Variants in GABRB3 observed in about 807,000 individuals in gnomAD.
GABRB3 encodes the protein gamma-aminobutyric acid type A receptor subunit beta3, also known as gamma-aminobutyric acid receptor subunit beta-3.
A neutral mutation model predicts 52.1 loss-of-function variants in GABRB3; 14 were observed. That is an observed-to-expected ratio of 0.27 (90% CI 0.18 to 0.42). The LOEUF is 0.42. Among genes scored for constraint, GABRB3 ranks in the 10% least tolerant of loss-of-function variants. The pLI is 1.00. For synonymous variants in GABRB3, 260 were observed against 232.3 expected, an observed-to-expected ratio of 1.12 and a Z score of -1.08; for missense variants, 307 against 609.1, an observed-to-expected ratio of 0.50 and a Z score of 5.22.
At chr15:26,700,045 C>G (rs944574158) in intron 3 of GABRB3, among the ~76,000 whole-genome samples, 2 of 151,402 alleles carry the variant, frequency 1.3e-5, no homozygotes, top group Admixed American at 1.3e-4. Flanking sequence ...ACTGAAAAAT[C>G]AATGAAACAA....
chr15:26,572,341 A>C (rs893857367), intron 6 of GABRB3, among the ~76,000 whole-genome samples: 1 of 152,178 alleles, frequency 6.6e-6, no homozygotes, highest in South Asian at 2.1e-4. Context: ...CATTGTATGC[A>C]CCTCTGGTGT....
chr15:26,689,982 A>T (rs1008884817), intron 3 of GABRB3, among the ~76,000 whole-genome samples: 1 of 152,032 alleles, frequency 6.6e-6, no homozygotes, highest in African/African-American at 2.4e-5. Context: ...AGGGCTTAGA[A>T]TTTCATTTTT....
chr15:26,632,964 GA>G (rs1311008657), intron 3 of GABRB3, among the ~76,000 whole-genome samples: 1 of 152,136 alleles, frequency 6.6e-6, no homozygotes, highest in Non-Finnish European at 1.5e-5. Flanking sequence ...AATGAAAAAG[GA>G]CCCTCTTTAT....
intron 3 of GABRB3, among the ~76,000 whole-genome samples, chr15:26,656,312 A>G (rs926295112): frequency 1.3e-5 from 2 of 152,190 alleles, no homozygotes. Context: ...AACTCAGTTC[A>G]TCCTTCCTAA....
chr15:26,555,031 T>A (rs530336697), intron 8 of GABRB3, among the ~76,000 whole-genome samples: 3 of 151,772 alleles, frequency 2.0e-5, no homozygotes, highest in African/African-American at 7.2e-5. Context: ...TATATATATA[T>A]AAATTAGCTG....
At chr15:26,730,412 C>T (rs866765170) in intron 3 of GABRB3, among the ~76,000 whole-genome samples, 73 of 98,710 alleles carry the variant, frequency 7.4e-4, no homozygotes, top group Middle Eastern at 7.8e-3. Flanking sequence ...AGCGAGACTC[C>T]GTCTCAAAAA....
chr15:26,771,064 T>C (rs1458561991), intron 3 of GABRB3, among the ~76,000 whole-genome samples: 1 of 152,166 alleles, frequency 6.6e-6, no homozygotes, highest in Non-Finnish European at 1.5e-5. Flanking sequence ...AGCTTTAGAT[T>C]AACAGTGAAA....
In GABRB3 at chr15:26,543,840, G is replaced by C. The variant is rs1319725225; in HGVS notation, c.*3953C>G. ...GACAAACGTGACAAAACATGTTCAT[G>C]GGGTTGGTCCTAGGGAGAGGCATAC... On this transcript the variant is annotated 3_prime_UTR_variant, in exon 9 of 9. Transcript: ENST00000311550. The C allele has an allele frequency of 6.6e-6, 1 of 152,552 alleles. No homozygotes were observed. Among genetic ancestry groups the C allele is most frequent in the Non-Finnish European group, 1.5e-5 (1 of 68,024 alleles). The allele number at this position is 152,552 out of a possible 1,614,324, so 9.4% of individuals were successfully genotyped here.
chr15:26,701,321 T>G (rs1888930332), intron 3 of GABRB3, among the ~76,000 whole-genome samples: 1 of 152,186 alleles, frequency 6.6e-6, no homozygotes, highest in African/African-American at 2.4e-5. Flanking sequence ...AACACTGTCT[T>G]TATTCACAGA....
rs905119265 is a variant in GABRB3 at position 26,743,691 on chromosome 15, T to C, written c.240+28711A>G. On this transcript the variant is annotated intron_variant, in intron 3 of 8. Coordinates refer to ENST00000311550, the MANE Select transcript of GABRB3 (RefSeq NM_000814.6). The stretch of plus-strand genomic sequence containing the variant: ...GCAAAATGTAATCCGACAGCCTTAA[T>C]AGGAAAAGGCCATTTTCTGTCATTA... Among the ~76,000 whole-genome samples, 4 of 152,150 alleles carry C rather than the reference T, an allele frequency of 2.6e-5. No individual in the cohort carries two copies. The East Asian group carries it at 5.8e-4, about 22-fold the overall frequency.
chr15:26,756,010 T>C (rs1890649044), intron 3 of GABRB3, among the ~76,000 whole-genome samples: 2 of 151,998 alleles, frequency 1.3e-5, no homozygotes, highest in African/African-American at 2.4e-5. Flanking sequence ...AGAGTATCTA[T>C]AATATAAAGT....
At position 26,544,897 on chromosome 15, in the gene GABRB3, CCAA is replaced by C. The variant is rs146998015; in HGVS notation, c.*2893_*2895del. The C allele has an allele frequency of 2.0e-5, 3 of 152,700 alleles. No homozygotes were observed. The highest frequency in any genetic ancestry group is 4.4e-5 in the Non-Finnish European group (3 of 68,030). 9.5% of individuals were successfully genotyped at this position (152,700 alleles called of 1,614,324 possible). A position where few individuals can be genotyped will look rare whatever the true frequency, so the allele number is the denominator to read the frequency against. On this transcript the variant is annotated 3_prime_UTR_variant, in exon 9 of 9. Transcript: ENST00000311550. The stretch of plus-strand genomic sequence containing the variant: ...TCTGGGTGTGGGTAACAGCCACCTC[CCAA>C]CAACGTCAGAGGTCCGGGTTCAGAA...
intron 3 of GABRB3, among the ~76,000 whole-genome samples, chr15:26,696,469 G>A (rs2140672439): frequency 6.6e-6 from 1 of 152,190 alleles, no homozygotes; most frequent in South Asian, 2.1e-4. Context: ...CCAAACTTTG[G>A]GACCTGCAAT....
chr15:26,623,305 T>G (rs1199926263), intron 3 of GABRB3, among the ~76,000 whole-genome samples: 2 of 152,126 alleles, frequency 1.3e-5, no homozygotes, highest in African/African-American at 4.8e-5. Context: ...AATGCCACCT[T>G]CGCAGCCAAT....
chr15:26,629,432 C>T (rs1339320629), intron 3 of GABRB3, among the ~76,000 whole-genome samples: 2 of 152,350 alleles, frequency 1.3e-5, no homozygotes, highest in Non-Finnish European at 1.5e-5. Context: ...AAGAGACAGG[C>T]TGTCTCCTGG....
At chr15:26,631,185 T>G (rs1892905230) in intron 3 of GABRB3, among the ~76,000 whole-genome samples, 1 of 152,022 alleles carries the variant, frequency 6.6e-6, no homozygotes, top group Non-Finnish European at 1.5e-5. Flanking sequence ...CCTTTCAAAA[T>G]CTCCTGAGTA....
rs933700608 is a variant in GABRB3, at chr15:26,621,022, T to C, written c.461+292A>G. Among the ~76,000 whole-genome samples the C allele has an allele frequency of 1.3e-5, 2 of 152,202 alleles. No individual in the cohort carries two copies. The highest frequency in any genetic ancestry group is 1.3e-4 in the Admixed American group (2 of 15,286). ...TATTAATTACAGGCCTCTGTGGCTA[T>C]GATATGGAAAATCCATCCTGAGGGA... On this transcript the variant is annotated intron_variant, in intron 4 of 8. Transcript: ENST00000311550. This position sits in a 1 kb window ranked among gnomAD's most constrained non-coding sequence, Gnocchi z 4.1.
intron 3 of GABRB3, among the ~76,000 whole-genome samples, chr15:26,636,941 AGGGGT>A (rs1352853959): frequency 1.3e-5 from 2 of 152,130 alleles, no homozygotes; most frequent in African/African-American, 4.8e-5. Context: ...TTCCTAGTCT[AGGGGT>A]GTCCTAACTG....
Position 26,572,377 on chromosome 15 carries a change from T to C in GABRB3, c.683-4644A>G, listed in dbSNP as rs141325831. 1.6e-3 allele frequency among the ~76,000 whole-genome samples: 250 copies of C among 152,314 alleles called. 1 individual carries two copies. Among genetic ancestry groups the C allele is most frequent in the African/African-American group, 5.7e-3 (235 of 41,576 alleles). On this transcript the variant is annotated intron_variant, in intron 6 of 8. Transcript: ENST00000311550. ...ATGAGACATTCATGGTTGAATAGGA[T>C]TCCTTCAGGCAGGGATGAAGGAGAG...
Sources: allele counts gnomAD v4.1 joint callset (sites outside exome capture counted in the v4.1 genomes callset), GRCh38; gene constraint gnomAD v4.1.1; non-coding constraint Gnocchi (gnomAD v3.1); transcripts MANE v1.5; gene names NCBI Gene and HGNC (gene_info 2026-07-23, HGNC 2026-07-21).